DLGAP2: variants seen among roughly 807,000 people sequenced by gnomAD.
DLGAP2 encodes disks large-associated protein 2.
Under a neutral mutation model 100.3 loss-of-function variants are expected in DLGAP2, and 26 were observed. The observed-to-expected ratio is 0.26, with a 90% CI of 0.19 to 0.36. The LOEUF (loss-of-function observed/expected upper bound fraction) is 0.36, where lower values mean the gene tolerates loss of function less well. Ranked by LOEUF, DLGAP2 falls within the 10% of genes least tolerant of loss-of-function variation. DLGAP2 has a pLI of 1.00. For synonymous variants in DLGAP2, 886 were observed against 630.1 expected (o/e 1.41, Z -6.08); for missense variants, 1,858 against 1,453.2 (o/e 1.28, Z -4.53).
intron 3 of DLGAP2, among the ~76,000 whole-genome samples, chr8:1,356,949 C>T (rs980724453): frequency 6.6e-5 from 10 of 152,314 alleles, no homozygotes; most frequent in South Asian, 4.1e-4. Context: ...GGCAAACCCG[C>T]GAGCAGCTGC....
intron 5 of DLGAP2, among the ~76,000 whole-genome samples, chr8:1,562,507 G>A (rs868435175): frequency 2.1e-5 from 1 of 47,310 alleles, no homozygotes; most frequent in African/African-American, 9.5e-5. Flanking sequence ...GGACTGTGTG[G>A]TGTTGGGGTG....
chr8:1,412,081 C>A (rs867073489), intron 3 of DLGAP2, among the ~76,000 whole-genome samples: 6 of 152,374 alleles, frequency 3.9e-5, no homozygotes, highest in Middle Eastern at 3.4e-3. Context: ...TGCCCTTTCT[C>A]CATTCCTGCC....
At chr8:1,588,843 C>T (rs1487132233) in intron 6 of DLGAP2, among the ~76,000 whole-genome samples, 1 of 151,890 alleles carries the variant, frequency 6.6e-6, no homozygotes, top group African/African-American at 2.4e-5. Flanking sequence ...AATCCCTTGA[C>T]CCCGGGAGGT....
At chr8:1,212,447 C>A (rs1174242804) in intron 2 of DLGAP2, among the ~76,000 whole-genome samples, 1 of 152,170 alleles carries the variant, frequency 6.6e-6, no homozygotes, top group Non-Finnish European at 1.5e-5. Flanking sequence ...TGGTAGAGAT[C>A]TATTTGATGT....
At chr8:765,692 C>T (rs1447608687) in intron 1 of DLGAP2, among the ~76,000 whole-genome samples, 1 of 152,178 alleles carries the variant, frequency 6.6e-6, no homozygotes, top group Admixed American at 6.5e-5. Flanking sequence ...GGAGTTTCCT[C>T]TATGGTCAGC....
At chr8:1,204,681 T>C (rs6558428) in intron 2 of DLGAP2, among the ~76,000 whole-genome samples, 85,408 of 151,304 alleles carry the variant, frequency 0.56, 26,677 homozygotes, top group African/African-American at 0.83. Context: ...CCATCCTTCT[T>C]GTGAGATCCT....
chr8:1,131,154 G>C (rs1000253475), intron 2 of DLGAP2, among the ~76,000 whole-genome samples: 1 of 152,092 alleles, frequency 6.6e-6, no homozygotes, highest in Non-Finnish European at 1.5e-5. Flanking sequence ...ACCTTCACAC[G>C]GTTCTCTGGA....
chr8:1,216,408 G>T (rs1187747344), intron 2 of DLGAP2, among the ~76,000 whole-genome samples: 2 of 151,788 alleles, frequency 1.3e-5, no homozygotes, highest in African/African-American at 2.4e-5. Context: ...GAGTGCAGTG[G>T]CTCAATCTTG....
At chr8:1,666,475 G>A (rs1315215334) in intron 8 of DLGAP2, among the ~76,000 whole-genome samples, 1 of 152,168 alleles carries the variant, frequency 6.6e-6, no homozygotes, top group East Asian at 1.9e-4. Context: ...GAGGTCAGGA[G>A]TTTGAGACCA....
chr8:1,645,068 C>CT (rs1208858520), intron 8 of DLGAP2, among the ~76,000 whole-genome samples: 1 of 152,184 alleles, frequency 6.6e-6, no homozygotes, highest in Admixed American at 6.5e-5. Context: ...GCACTCTAGC[C>CT]TGGGTGACAG....
intron 3 of DLGAP2, among the ~76,000 whole-genome samples, chr8:1,325,790 C>T (rs1801008136): frequency 6.6e-6 from 1 of 152,218 alleles, no homozygotes; most frequent in South Asian, 2.1e-4. Flanking sequence ...TGTTAATTTA[C>T]TGTATCAAGA....
intron 2 of DLGAP2, among the ~76,000 whole-genome samples, chr8:1,185,832 C>T (rs1016158233): frequency 3.9e-5 from 6 of 152,264 alleles, no homozygotes; most frequent in South Asian, 4.2e-4. Flanking sequence ...TAAACACAAA[C>T]ACACATTCAG....
intron 6 of DLGAP2, among the ~76,000 whole-genome samples, chr8:1,593,959 G>T (rs558845413): frequency 3.3e-5 from 5 of 152,328 alleles, no homozygotes; most frequent in African/African-American, 1.2e-4. Context: ...CAGTCTTGGA[G>T]CTCTGTTGGG....
intron 3 of DLGAP2, among the ~76,000 whole-genome samples, chr8:1,414,479 G>A (rs530984904): frequency 2.0e-4 from 31 of 152,322 alleles, no homozygotes; most frequent in South Asian, 1.0e-3. Context: ...TGACCAGGCC[G>A]GGGGTCCCAG....
intron 1 of DLGAP2, among the ~76,000 whole-genome samples, chr8:820,274 T>A (rs1455232515): frequency 1.3e-5 from 2 of 152,252 alleles, no homozygotes; most frequent in African/African-American, 2.4e-5. Context: ...TAGTACAATA[T>A]GTTTTTTAAA....
chr8:1,120,506 C>T (rs902293006), intron 2 of DLGAP2, among the ~76,000 whole-genome samples: 1 of 152,126 alleles, frequency 6.6e-6, no homozygotes, highest in Non-Finnish European at 1.5e-5. Context: ...GCCACCCATC[C>T]TTCGGAACCC....
chr8:858,956 T>G (rs1210284811), intron 1 of DLGAP2, among the ~76,000 whole-genome samples: 5 of 152,002 alleles, frequency 3.3e-5, no homozygotes. Flanking sequence ...GTGGGGAAAC[T>G]GGGGTGGGGA....
Position 1,093,437 on chromosome 8 carries a change from TCAGA to T in DLGAP2, c.74-165409_74-165406del, listed in dbSNP as rs1320504254. Among the ~76,000 whole-genome samples the T allele has an allele frequency of 1.0e-4, 7 of 69,410 alleles. No homozygotes were observed. The Admixed American group carries it at 1.1e-3, about 11-fold the overall frequency. The allele number at this position is 69,410 out of a possible 152,430, so 45.5% of individuals were successfully genotyped here. On this transcript the variant is annotated intron_variant, in intron 2 of 14. Coordinates refer to ENST00000637795, the MANE Select transcript of DLGAP2 (RefSeq NM_001346810.2). ...GCCAGAAACACCTTCACACCGACAGTCAGACAGAAACACTTTCACACCAACAGCC... is the reference window on the plus strand; with the variant it reads ...GCCAGAAACACCTTCACACCGACAGTCAGAAACACTTTCACACCAACAGCC...
intron 3 of DLGAP2, among the ~76,000 whole-genome samples, chr8:1,425,714 T>C (rs1797220168): frequency 6.6e-6 from 1 of 152,092 alleles, no homozygotes; most frequent in South Asian, 2.1e-4. Flanking sequence ...AACTGGCCCC[T>C]GTGGGCTCAT....
Sources: allele counts gnomAD v4.1 joint callset (sites outside exome capture counted in the v4.1 genomes callset), GRCh38; gene constraint gnomAD v4.1.1; transcripts MANE v1.5; gene names NCBI Gene and HGNC (gene_info 2026-07-23, HGNC 2026-07-21).